The following KCNIP4 variants were observed in gnomAD, a reference collection of about 807,000 sequenced individuals.
KCNIP4 encodes the protein potassium voltage-gated channel interacting protein 4.
In KCNIP4, 12 loss-of-function variants were observed where a neutral mutation model predicts 34.0. The ratio of observed to expected loss-of-function variants is 0.35; its 90% CI spans 0.23 to 0.57. The LOEUF is 0.57. Ranked by LOEUF, KCNIP4 falls within the 20% of genes least tolerant of loss-of-function variation. The pLI is 0.83. For synonymous variants in KCNIP4, 124 were observed against 102.2 expected (o/e 1.21, Z -1.29); for missense variants, 238 against 311.7 (o/e 0.76, Z 1.78).
intron 1 of KCNIP4, among the ~76,000 whole-genome samples, chr4:21,487,858 A>C (rs1392775782): frequency 6.6e-6 from 1 of 151,574 alleles, no homozygotes; most frequent in Non-Finnish European, 1.5e-5. Flanking sequence ...AGATTTTTTA[A>C]CTCTTTATTT....
chr4:21,940,314 T>G (rs111324743), intron 1 of KCNIP4, among the ~76,000 whole-genome samples: 27 of 152,120 alleles, frequency 1.8e-4, no homozygotes, highest in African/African-American at 4.8e-4. Flanking sequence ...CCCCAAAGAG[T>G]AAAAGGTCAA....
Position 21,362,814 on chromosome 4 carries a change from T to C in KCNIP4, c.62-480105A>G, listed in dbSNP as rs373491794. Among the ~76,000 whole-genome samples the C allele has an allele frequency of 2.6e-5, 4 of 152,248 alleles. No individual in the cohort carries two copies. In the East Asian group the frequency reaches 7.7e-4, roughly 29 times the overall value. The stretch of plus-strand genomic sequence containing the variant: ...TGAAATTAAAGTTAGAAATGCAGAC[T>C]AGGTAGCCCTTATCCCGCCGTTTAT... On this transcript the variant is annotated intron_variant, in intron 1 of 8. Coordinates refer to ENST00000382152, the MANE Select transcript of KCNIP4 (RefSeq NM_025221.6).
At chr4:20,920,239 A>T (rs927313028) in intron 1 of KCNIP4, among the ~76,000 whole-genome samples, 1 of 152,138 alleles carries the variant, frequency 6.6e-6, no homozygotes, top group Non-Finnish European at 1.5e-5. Context: ...ATTTCACGTG[A>T]TTCTTTAATT....
At chr4:21,241,674 G>A (rs2109051388) in intron 1 of KCNIP4, among the ~76,000 whole-genome samples, 1 of 152,262 alleles carries the variant, frequency 6.6e-6, no homozygotes, top group Middle Eastern at 3.4e-3. Context: ...TGCAGAATTT[G>A]TCATTCTCTA....
intron 1 of KCNIP4, among the ~76,000 whole-genome samples, chr4:21,527,562 T>A (rs879721621): frequency 2.0e-5 from 3 of 152,118 alleles, no homozygotes; most frequent in Non-Finnish European, 2.9e-5. Context: ...AGTATAAATG[T>A]GAAATAAATG....
intron 1 of KCNIP4, among the ~76,000 whole-genome samples, chr4:21,351,814 G>A (rs1407646548): frequency 6.6e-6 from 1 of 152,136 alleles, no homozygotes; most frequent in Non-Finnish European, 1.5e-5. Context: ...ACTCTAACCT[G>A]CAGACACCTA....
chr4:21,078,676 G>A (rs1345642497), intron 1 of KCNIP4, among the ~76,000 whole-genome samples: 1 of 151,990 alleles, frequency 6.6e-6, no homozygotes, highest in Non-Finnish European at 1.5e-5. Context: ...AGAAAATTTG[G>A]AGTTAACTAA....
chr4:21,056,619 C>A (rs911073260), intron 1 of KCNIP4, among the ~76,000 whole-genome samples: 2 of 152,042 alleles, frequency 1.3e-5, no homozygotes, highest in Admixed American at 1.3e-4. Context: ...AAGATTAGAC[C>A]ACAGAGCAAG....
At chr4:20,969,885 A>G (rs2149675009) in intron 1 of KCNIP4, among the ~76,000 whole-genome samples, 1 of 152,136 alleles carries the variant, frequency 6.6e-6, no homozygotes, top group South Asian at 2.1e-4. Flanking sequence ...TATTAAGTTT[A>G]AGGGATCAGA....
chr4:21,045,920 C>T (rs905604171), intron 1 of KCNIP4, among the ~76,000 whole-genome samples: 133 of 152,216 alleles, frequency 8.7e-4, no homozygotes, highest in African/African-American at 2.9e-3. Flanking sequence ...CCGATCCTGC[C>T]TTGTTTTGTG....
intron 1 of KCNIP4, among the ~76,000 whole-genome samples, chr4:21,355,391 T>C (rs577836832): frequency 1.3e-5 from 2 of 151,606 alleles, no homozygotes; most frequent in South Asian, 2.1e-4. Context: ...CCAAACAAAA[T>C]TGATAAAACG....
intron 1 of KCNIP4, among the ~76,000 whole-genome samples, chr4:21,701,292 G>T (rs13106583): frequency 6.6e-6 from 1 of 152,262 alleles, no homozygotes; most frequent in African/African-American, 2.4e-5. Context: ...GTTGGTCAAA[G>T]GTTACAAAGT....
At chr4:20,991,704 T>C (rs983814325) in intron 1 of KCNIP4, among the ~76,000 whole-genome samples, 2 of 152,206 alleles carry the variant, frequency 1.3e-5, no homozygotes, top group African/African-American at 2.4e-5. Context: ...CTCATCAGCT[T>C]CATTTTCTCA....
Position 21,788,814 on chromosome 4 carries a change from A to T in KCNIP4, c.61+159757T>A, listed in dbSNP as rs2323109. On this transcript the variant is annotated intron_variant, in intron 1 of 8. Coordinates refer to ENST00000382152, the MANE Select transcript of KCNIP4 (RefSeq NM_025221.6). ...AGCTGGCCGGTTGTGGTGGCTCATA[A>T]CTGTAATCCCACCACTTTGGGAGGC... Among the ~76,000 whole-genome samples, 491 of 152,022 alleles carry T rather than the reference A, an allele frequency of 3.2e-3. 2 individuals carry two copies. The highest frequency in any genetic ancestry group is 0.011 in the African/African-American group (461 of 41,420).
At chr4:21,263,912 C>T (rs985909323) in intron 1 of KCNIP4, among the ~76,000 whole-genome samples, 6 of 152,078 alleles carry the variant, frequency 3.9e-5, no homozygotes, top group African/African-American at 1.4e-4. Flanking sequence ...ACCTTAGACT[C>T]CCAAAGTGCT....
intron 1 of KCNIP4, among the ~76,000 whole-genome samples, chr4:20,907,099 A>T (rs911668620): frequency 1.3e-5 from 2 of 152,236 alleles, no homozygotes; most frequent in Non-Finnish European, 2.9e-5. Flanking sequence ...AAATGATGCT[A>T]CCTCAGTAGT....
At chr4:20,731,934 T>C (rs1413297869) in intron 8 of KCNIP4, 72 bp downstream of exon 8, 3 of 1,593,566 alleles carry the variant, frequency 1.9e-6, no homozygotes, top group Non-Finnish European at 2.6e-6. Context: ...CAGTTCATGG[T>C]AGCTAGCTGC....
Position 21,567,935 on chromosome 4 carries a change from G to T in KCNIP4, c.61+380636C>A, listed in dbSNP as rs17549122. Among the ~76,000 whole-genome samples the T allele has an allele frequency of 3.0e-3, 456 of 152,112 alleles. 3 individuals are homozygous for T. Among genetic ancestry groups the T allele is most frequent in the African/African-American group, 0.011 (441 of 41,510 alleles). On this transcript the variant is annotated intron_variant, in intron 1 of 8. Transcript: ENST00000382152. The stretch of plus-strand genomic sequence containing the variant: ...TCCCAAACAGTTCACAACGCAGAAG[G>T]GGAGCCAGAACAGTACTTGATAATA...
chr4:21,112,027 A>ATCCATCTATCTG (rs1169260288), intron 1 of KCNIP4, among the ~76,000 whole-genome samples: 13 of 80,078 alleles, frequency 1.6e-4, no homozygotes, highest in African/African-American at 4.6e-4. Flanking sequence ...CTTTCTCTGT[A>ATCCATCTATCTG]TCTATCTATC....
Sources: allele counts gnomAD v4.1 joint callset (sites outside exome capture counted in the v4.1 genomes callset), GRCh38; gene constraint gnomAD v4.1.1; transcripts MANE v1.5; gene names NCBI Gene and HGNC (gene_info 2026-07-23, HGNC 2026-07-21).